Variants in RPS6KC1 observed in about 807,000 individuals in gnomAD.
The protein encoded by RPS6KC1 is ribosomal protein S6 kinase C1.
Under a neutral mutation model 103.8 loss-of-function variants are expected in RPS6KC1, and 54 were observed. That is an observed-to-expected ratio of 0.52 (90% CI 0.42 to 0.65). The LOEUF is 0.65. Ranked by LOEUF, RPS6KC1 falls within the 30% of genes least tolerant of loss-of-function variation. The pLI is 0.00. For missense variants in RPS6KC1, 1,151 were observed against 1,253.8 expected, an observed-to-expected ratio of 0.92 and a Z score of 1.24; for synonymous variants, 439 against 438.7, an observed-to-expected ratio of 1.00 and a Z score of -0.01.
chr1:213,259,700 A>C (rs2094733923), intron 12 of RPS6KC1, among the ~76,000 whole-genome samples: 1 of 149,428 alleles, frequency 6.7e-6, no homozygotes, highest in Non-Finnish European at 1.5e-5. Flanking sequence ...ATATACAAAC[A>C]TTCACTTAAG....
the RPS6KC1 span, among the ~76,000 whole-genome samples, chr1:213,522,919 A>C: frequency 6.6e-6 from 1 of 152,142 alleles, no homozygotes; most frequent in African/African-American, 2.4e-5. Flanking sequence ...GGCACTTTTA[A>C]TTTCCTTCAA....
At chr1:213,370,059 G>A in the RPS6KC1 span, among the ~76,000 whole-genome samples, 4 of 152,038 alleles carry the variant, frequency 2.6e-5, no homozygotes, top group African/African-American at 9.7e-5. Flanking sequence ...GTCTTATCTC[G>A]AAGCAATTGC....
the RPS6KC1 span, among the ~76,000 whole-genome samples, chr1:213,846,173 G>A: frequency 6.6e-6 from 1 of 150,922 alleles, no homozygotes; most frequent in Admixed American, 6.6e-5. Flanking sequence ...GGTGGCACTT[G>A]CCTGTAGTCC....
the RPS6KC1 span, among the ~76,000 whole-genome samples, chr1:213,761,038 A>G: frequency 2.0e-5 from 3 of 151,996 alleles, no homozygotes; most frequent in South Asian, 2.1e-4. Context: ...TTTATGTTGT[A>G]TATTATAAGG....
chr1:213,497,922 G>C, the RPS6KC1 span, among the ~76,000 whole-genome samples: 1 of 151,922 alleles, frequency 6.6e-6, no homozygotes, highest in East Asian at 1.9e-4. Flanking sequence ...TTAAAATTCC[G>C]TGCTAATAAT....
At chr1:213,699,976 A>C in the RPS6KC1 span, among the ~76,000 whole-genome samples, 25 of 152,198 alleles carry the variant, frequency 1.6e-4, no homozygotes, top group African/African-American at 5.8e-4. Context: ...TAGTTTGCAA[A>C]TATTTTCTCC....
At chr1:213,641,925 A>AG in the RPS6KC1 span, among the ~76,000 whole-genome samples, 2 of 149,626 alleles carry the variant, frequency 1.3e-5, no homozygotes, top group South Asian at 4.2e-4. Context: ...CCTCCCTTCA[A>AG]GTTTTGGCTC....
At chr1:213,233,644 A>G (rs1011980418) in intron 10 of RPS6KC1, among the ~76,000 whole-genome samples, 3 of 151,894 alleles carry the variant, frequency 2.0e-5, no homozygotes, top group African/African-American at 4.8e-5. Flanking sequence ...TTTTTCTACC[A>G]TCTTCTCACC....
chr1:213,687,504 C>A, the RPS6KC1 span, among the ~76,000 whole-genome samples: 15 of 152,110 alleles, frequency 9.9e-5, no homozygotes, highest in African/African-American at 3.6e-4. Flanking sequence ...ATATCACATA[C>A]ATTTACATTT....
At chr1:213,147,956 CTG>C (rs1289509483) in intron 6 of RPS6KC1, among the ~76,000 whole-genome samples, 3 of 152,024 alleles carry the variant, frequency 2.0e-5, no homozygotes, top group East Asian at 1.9e-4. Context: ...TTATTTGTGA[CTG>C]TTGTAAATGG....
At chr1:213,363,757 C>CCTT in the RPS6KC1 span, among the ~76,000 whole-genome samples, 1 of 60,414 alleles carries the variant, frequency 1.7e-5, no homozygotes, top group Non-Finnish European at 3.4e-5. Flanking sequence ...TTCTCTTTCT[C>CCTT]TCTTCTTTCT....
chr1:213,390,193 C>T, the RPS6KC1 span, among the ~76,000 whole-genome samples: 2 of 152,194 alleles, frequency 1.3e-5, no homozygotes, highest in Non-Finnish European at 2.9e-5. Context: ...CTCCCCCACC[C>T]CAGTTAAGTT....
intron 5 of RPS6KC1, among the ~76,000 whole-genome samples, chr1:213,127,815 G>A (rs755857569): frequency 6.6e-6 from 1 of 151,972 alleles, no homozygotes; most frequent in Non-Finnish European, 1.5e-5. Context: ...TGATTTTTTG[G>A]GATAATGAAA....
chr1:213,757,274 G>C, the RPS6KC1 span, among the ~76,000 whole-genome samples: 1 of 152,148 alleles, frequency 6.6e-6, no homozygotes, highest in Non-Finnish European at 1.5e-5. Flanking sequence ...TAGACCTCTT[G>C]CACCATTTAG....
chr1:213,297,768 G>A, the RPS6KC1 span, among the ~76,000 whole-genome samples: 149,735 of 152,234 alleles, frequency 0.98, 73,694 homozygotes, highest in East Asian at 1. Context: ...GTACCACCAC[G>A]CTAAGCTAAT....
chr1:213,267,854 G>T (rs73093650), intron 14 of RPS6KC1, among the ~76,000 whole-genome samples: 6,238 of 151,566 alleles, frequency 0.041, 224 homozygotes, highest in African/African-American at 0.084. Context: ...AAGAATAAAT[G>T]AACTTAAATT....
intron 1 of RPS6KC1, among the ~76,000 whole-genome samples, chr1:213,064,365 G>A (rs1442591192): frequency 1.4e-5 from 2 of 144,172 alleles, no homozygotes; most frequent in Non-Finnish European, 1.5e-5. Context: ...CCAAATTTGT[G>A]AACTTTTTTT....
chr1:213,152,449 G>A (rs565756829), intron 6 of RPS6KC1, among the ~76,000 whole-genome samples: 166 of 151,268 alleles, frequency 1.1e-3, no homozygotes, highest in African/African-American at 3.8e-3. Context: ...CAGACGGGGC[G>A]GCTGCCGGGC....
At chr1:213,704,385 CA>C in the RPS6KC1 span, among the ~76,000 whole-genome samples, 886 of 27,620 alleles carry the variant, frequency 0.032, 3 homozygotes, top group African/African-American at 0.069. Context: ...GACTCCGTCT[CA>C]AAAAAAAAAA....
Sources: allele counts gnomAD v4.1 joint callset (sites outside exome capture counted in the v4.1 genomes callset), GRCh38; gene constraint gnomAD v4.1.1; transcripts MANE v1.5; gene names NCBI Gene and HGNC (gene_info 2026-07-23, HGNC 2026-07-21).